Variants in PLCB1 observed in about 807,000 individuals in gnomAD.
PLCB1 encodes the protein phospholipase C beta 1, also known as 1-phosphatidylinositol 4,5-bisphosphate phosphodiesterase beta-1.
A neutral mutation model predicts 161.8 loss-of-function variants in PLCB1; 46 were observed. That is an observed-to-expected ratio of 0.28 (90% CI 0.22 to 0.36). The LOEUF is 0.36. Among genes scored for constraint, PLCB1 ranks in the 10% least tolerant of loss-of-function variants. The probability of loss-of-function intolerance (pLI) is 1.00; values close to 1 mark genes in which losing one functional copy is unlikely to be tolerated. For synonymous variants in PLCB1, 517 were observed against 503.7 expected, an observed-to-expected ratio of 1.03 and a Z score of -0.35; for missense variants, 1,016 against 1,472.5, an observed-to-expected ratio of 0.69 and a Z score of 5.07.
chr20:8,188,497 A>G (rs977480932), intron 2 of PLCB1, among the ~76,000 whole-genome samples: 2 of 152,198 alleles, frequency 1.3e-5, no homozygotes, highest in African/African-American at 4.8e-5. Context: ...AAGTCTAATT[A>G]GCAGAGGAGA....
At chr20:8,539,395 C>A (rs1006322759) in intron 3 of PLCB1, among the ~76,000 whole-genome samples, 22 of 152,130 alleles carry the variant, frequency 1.4e-4, no homozygotes, top group African/African-American at 5.3e-4. Context: ...TGAACATATT[C>A]ATTCATTCAA....
chr20:8,163,610 T>C (rs994588441), intron 2 of PLCB1, among the ~76,000 whole-genome samples: 1 of 152,146 alleles, frequency 6.6e-6, no homozygotes, highest in Non-Finnish European at 1.5e-5. Context: ...TAAACATGAG[T>C]TGCCAGCATT....
At chr20:8,828,438 A>G (rs1179822710) in intron 31 of PLCB1, among the ~76,000 whole-genome samples, 5 of 152,232 alleles carry the variant, frequency 3.3e-5, no homozygotes, top group Admixed American at 2.0e-4. Context: ...CGAATGCCTA[A>G]GACAATGGAA....
At position 8,862,996 on chromosome 20, in the gene PLCB1, G is replaced by A. The variant is rs187190875; in HGVS notation, c.3424-18626G>A. On this transcript the variant is annotated intron_variant, in intron 31 of 31. Coordinates refer to ENST00000338037, the MANE Select transcript of PLCB1 (RefSeq NM_015192.4). ...GCAACTGGTGATCAAGCCCAGCATGGAATTCTGGGAAACCATGTAGACTAT... is the reference window on the plus strand; with the variant it reads ...GCAACTGGTGATCAAGCCCAGCATGAAATTCTGGGAAACCATGTAGACTAT... 3.9e-5 allele frequency among the ~76,000 whole-genome samples: 6 copies of A among 152,312 alleles called. No individual in the cohort carries two copies. The East Asian group carries it at 1.2e-3, about 29-fold the overall frequency.
intron 2 of PLCB1, among the ~76,000 whole-genome samples, chr20:8,317,623 C>G (rs996506798): frequency 6.6e-6 from 1 of 151,912 alleles, no homozygotes; most frequent in Non-Finnish European, 1.5e-5. Flanking sequence ...CTAAGGCATT[C>G]TTATGCCCCA....
At chr20:8,449,506 G>A (rs1269985982) in intron 3 of PLCB1, among the ~76,000 whole-genome samples, 1 of 152,188 alleles carries the variant, frequency 6.6e-6, no homozygotes, top group East Asian at 1.9e-4. Flanking sequence ...GTGCAACTCA[G>A]AATTAAGAGA....
Position 8,380,917 on chromosome 20 carries a change from A to G in PLCB1, c.246+9467A>G, listed in dbSNP as rs973108349. On this transcript the variant is annotated intron_variant, in intron 3 of 31. Transcript: ENST00000338037. ...GAGACAAGTTGACTTCTCTCTTCCT[A>G]TTTGAATACCCTTTATTTCTTTCTC... Among the ~76,000 whole-genome samples the G allele has an allele frequency of 5.3e-5, 8 of 152,134 alleles. 1 individual carries two copies. The South Asian group carries it at 1.0e-3, about 20-fold the overall frequency.
In PLCB1 at chr20:8,308,368, G is replaced by A. The variant is rs141183227; in HGVS notation, c.178-63014G>A. The stretch of plus-strand genomic sequence containing the variant: ...GCAGTGGCTCATGCCTGTAATCCCA[G>A]CACTTCGGGAGGCCAAGGTGAGCGG... On this transcript the variant is annotated intron_variant, in intron 2 of 31. Transcript: ENST00000338037. Among the ~76,000 whole-genome samples, 285 of 151,976 alleles carry A rather than the reference G, an allele frequency of 1.9e-3. 3 individuals are homozygous for A. Among genetic ancestry groups the A allele is most frequent in the African/African-American group, 5.9e-3 (246 of 41,502 alleles).
chr20:8,160,466 A>G (rs1385977557), intron 2 of PLCB1, among the ~76,000 whole-genome samples: 1 of 152,216 alleles, frequency 6.6e-6, no homozygotes, highest in Admixed American at 6.5e-5. Flanking sequence ...GTATAATAGG[A>G]TTACAGTTCC....
chr20:8,275,297 A>G (rs561054827), intron 2 of PLCB1, among the ~76,000 whole-genome samples: 3 of 137,182 alleles, frequency 2.2e-5, no homozygotes, highest in South Asian at 2.3e-4. Context: ...GAAGCGGCAC[A>G]TGGTCAGGCT....
chr20:8,295,249 GTAGA>G (rs1461317458), intron 2 of PLCB1, among the ~76,000 whole-genome samples: 2 of 152,070 alleles, frequency 1.3e-5, no homozygotes, highest in Non-Finnish European at 2.9e-5. Context: ...AAATTGGGAG[GTAGA>G]TAAATTGGTT....
chr20:8,708,520 C>T (rs1978817246), intron 11 of PLCB1, 150 bp from the exon 12 acceptor site: 1 of 589,120 alleles, frequency 1.7e-6, no homozygotes, highest in South Asian at 2.2e-5. Context: ...CACCGTCCAG[C>T]AGCCCTCAAA....
rs574604328 is a variant in PLCB1 at position 8,573,744 on chromosome 20, T to C, written c.247-54550T>C. On this transcript the variant is annotated intron_variant, in intron 3 of 31. Coordinates refer to ENST00000338037, the MANE Select transcript of PLCB1 (RefSeq NM_015192.4). Reference sequence around the variant, plus strand: ...CCAAAGGCATAAAGAGCTTTTTCCTTCTGGTTTCTTGCTTCTCTCCAAGCA... The same window carrying C: ...CCAAAGGCATAAAGAGCTTTTTCCTCCTGGTTTCTTGCTTCTCTCCAAGCA... Among the ~76,000 whole-genome samples the C allele has an allele frequency of 2.4e-4, 37 of 152,304 alleles. No individual in the cohort carries two copies. In the South Asian group the frequency reaches 5.8e-3, roughly 24 times the overall value.
intron 3 of PLCB1, among the ~76,000 whole-genome samples, chr20:8,378,432 A>G (rs543982934): frequency 1.3e-5 from 2 of 152,390 alleles, no homozygotes; most frequent in South Asian, 4.1e-4. Context: ...ACTGTAGTCC[A>G]TTACATGTAC....
intron 26 of PLCB1, among the ~76,000 whole-genome samples, chr20:8,770,634 G>GAAAGGCGGGACAACTCGAAGC (rs1982629275): frequency 6.6e-6 from 1 of 152,168 alleles, no homozygotes; most frequent in South Asian, 2.1e-4. Context: ...GTTCTATCTG[G>GAAAGGCGGGACAACTCGAAGC]AAAGGCGGGA....
chr20:8,458,475 G>A (rs1044821117), intron 3 of PLCB1, among the ~76,000 whole-genome samples: 5 of 151,932 alleles, frequency 3.3e-5, no homozygotes, highest in African/African-American at 4.8e-5. Flanking sequence ...TTTCTTAATG[G>A]GTAGAAAAAG....
chr20:8,371,740 A>T (rs1317608245), intron 3 of PLCB1: 2 of 297,474 alleles, frequency 6.7e-6, no homozygotes, highest in Non-Finnish European at 1.2e-5. Flanking sequence ...AATGATTAAA[A>T]AGTACTTGAA....
At position 8,819,843 on chromosome 20, in the gene PLCB1, C is replaced by A. The variant is rs184894325; in HGVS notation, c.3423+29582C>A. On this transcript the variant is annotated intron_variant, in intron 31 of 31. Transcript: ENST00000338037. The stretch of plus-strand genomic sequence containing the variant: ...CATTAGACTTAAAAATAAAAAGTAG[C>A]AAAACATGAATCCCTGGTTTAGTTG... Among the ~76,000 whole-genome samples the A allele has an allele frequency of 9.8e-4, 149 of 152,170 alleles. 1 individual carries two copies. Among genetic ancestry groups the A allele is most frequent in the Middle Eastern group, 3.4e-3 (1 of 294 alleles).
intron 3 of PLCB1, among the ~76,000 whole-genome samples, chr20:8,540,151 AAAG>A (rs1985251381): frequency 1.3e-5 from 2 of 152,332 alleles, no homozygotes; most frequent in Admixed American, 6.5e-5. Flanking sequence ...ACTAAAGAAA[AAAG>A]AAAGTTTGCA....
Sources: allele counts gnomAD v4.1 joint callset (sites outside exome capture counted in the v4.1 genomes callset), GRCh38; gene constraint gnomAD v4.1.1; transcripts MANE v1.5; gene names NCBI Gene and HGNC (gene_info 2026-07-23, HGNC 2026-07-21).